Variants in CEP78 observed in about 807,000 individuals in gnomAD.
CEP78 encodes centrosomal protein of 78 kDa.
In CEP78, 76 loss-of-function variants were observed where a neutral mutation model predicts 81.2. That is an observed-to-expected ratio of 0.94 (90% CI 0.78 to 1.13). The LOEUF (loss-of-function observed/expected upper bound fraction) is 1.13. Among genes scored for constraint, CEP78 ranks in the 50% most tolerant of loss-of-function variants. CEP78 has a pLI of 0.00. For synonymous variants in CEP78, 293 were observed against 301.4 expected (o/e 0.97, Z 0.29); for missense variants, 918 against 846.8 (o/e 1.08, Z -1.04).
intron 16 of CEP78, among the ~76,000 whole-genome samples, chr9:78,268,600 C>T (rs1827620486): frequency 6.6e-6 from 1 of 151,906 alleles, no homozygotes; most frequent in Non-Finnish European, 1.5e-5. Context: ...CTTATCCTCC[C>T]AATTCCTCTC....
At chr9:78,265,799 A>G (rs1827501451) in intron 14 of CEP78, 60 bp from the exon 15 acceptor site, 3 of 894,172 alleles carry the variant, frequency 3.4e-6, no homozygotes, top group African/African-American at 3.3e-5. Flanking sequence ...ATGAAAGATT[A>G]GAGAAATGAT....
At chr9:78,264,488 A>G (rs1827423412) in intron 13 of CEP78, among the ~76,000 whole-genome samples, 172 bp downstream of exon 13, 1 of 152,094 alleles carries the variant, frequency 6.6e-6, no homozygotes, top group Admixed American at 6.6e-5. Context: ...CAAAATGACA[A>G]ACCTGCCTTG....
intron 5 of CEP78, among the ~76,000 whole-genome samples, chr9:78,244,092 A>G (rs1259630772): frequency 6.7e-6 from 1 of 149,664 alleles, no homozygotes; most frequent in African/African-American, 2.5e-5. Flanking sequence ...ACAACTCTGT[A>G]GTAAACTCCT....
At chr9:78,255,242 CATAAG>C (rs956189212) in intron 11 of CEP78, among the ~76,000 whole-genome samples, 5 of 152,060 alleles carry the variant, frequency 3.3e-5, no homozygotes, top group Admixed American at 6.6e-5. Flanking sequence ...CCTTAATAAT[CATAAG>C]ATAAACTCAA....
intron 11 of CEP78, among the ~76,000 whole-genome samples, chr9:78,257,803 C>T (rs1162256430): frequency 2.0e-5 from 3 of 152,170 alleles, no homozygotes; most frequent in Admixed American, 6.5e-5. Context: ...ATTTGTTGTA[C>T]AAACCAGAAC....
In CEP78 at chr9:78,236,440, G is replaced by T. The variant is rs752002017; in HGVS notation, c.90G>T (p.Pro30=). 1.2e-6 allele frequency: 2 copies of T among 1,602,070 alleles called. No homozygotes were observed. Among genetic ancestry groups the T allele is most frequent in the Non-Finnish European group, 1.7e-6 (2 of 1,174,618 alleles). ...TGTGCGCGCTGCAGAACTCGGTGCC[G>T]CTGCCCGCCGTGCGCGCCTGTCTCC... The part of the protein sequence containing the change: ...EYLCALQNSV[P]LPAVRACLRE... The change falls in exon 1 of 17, where the codon CCG becomes CCT. Residue 30 remains proline, a synonymous_variant. Transcript: ENST00000643273.
chr9:78,259,112 T>G (rs1272775421), intron 11 of CEP78, among the ~76,000 whole-genome samples: 1 of 152,200 alleles, frequency 6.6e-6, no homozygotes, highest in Non-Finnish European at 1.5e-5. Context: ...AGATTGCATT[T>G]GTACACTGAG....
Position 78,264,164 on chromosome 9 carries a change from T to C in CEP78, c.1473T>C (p.Asn491=). ...TTCTTTTATAGCTGGAACATGAAAA[T>C]GCCCAGTTAAGAAATATAAATTTCT... ...DKRVSELEHE[N]AQLRNINFSL... is the part of the protein sequence containing the mutation. The change falls in exon 13 of 17, where the codon AAT becomes AAC. Residue 491 remains asparagine (N), a synonymous_variant. Transcript: ENST00000643273. 1 of 1,467,204 alleles carries C rather than the reference T, an allele frequency of 6.8e-7. No homozygotes were observed. The highest frequency in any genetic ancestry group is 9.0e-7 in the Non-Finnish European group (1 of 1,106,052). 90.9% of individuals were successfully genotyped at this position (1,467,204 alleles called of 1,614,324 possible). A position where few individuals can be genotyped will look rare whatever the true frequency, so the allele number is the denominator to read the frequency against.
In CEP78 at chr9:78,262,991, A is replaced by C; in HGVS notation, c.1458+7A>C. On this transcript the variant is annotated splice_region_variant and intron_variant, in intron 12 of 16. Transcript: ENST00000643273. Reference sequence around the variant, plus strand: ...TGATAAACGAGTCAGTGAGGTAAATAAAAGTTTTCTTACCTTTTGAGAGTT... The same window carrying C: ...TGATAAACGAGTCAGTGAGGTAAATCAAAGTTTTCTTACCTTTTGAGAGTT... 1 of 1,522,880 alleles carries C rather than the reference A, an allele frequency of 6.6e-7. No individual in the cohort carries two copies. The highest frequency in any genetic ancestry group is 8.9e-7 in the Non-Finnish European group (1 of 1,129,656). 94.3% of individuals were successfully genotyped at this position (1,522,880 alleles called of 1,614,324 possible). A position where few individuals can be genotyped will look rare whatever the true frequency, so the allele number is the denominator to read the frequency against.
intron 12 of CEP78, 193 bp from the exon 13 acceptor site, chr9:78,263,957 T>C (rs188154682): frequency 8.6e-6 from 3 of 347,088 alleles, no homozygotes; most frequent in African/African-American, 6.4e-5. Flanking sequence ...CTATTTATAT[T>C]ATTTATGTAG....
At chr9:78,240,975 AT>A (rs1826200466) in intron 3 of CEP78, among the ~76,000 whole-genome samples, 1 of 152,168 alleles carries the variant, frequency 6.6e-6, no homozygotes, top group Non-Finnish European at 1.5e-5. Flanking sequence ...AAAAAAAAAA[AT>A]CATCATTACT....
chr9:78,267,781 G>A (rs12115810), intron 16 of CEP78, among the ~76,000 whole-genome samples: 2,543 of 152,202 alleles, frequency 0.017, 60 homozygotes, highest in African/African-American at 0.057. Flanking sequence ...GTTAGTAAGA[G>A]TATGGATATA....
chr9:78,262,207 T>C (rs1383213619), intron 11 of CEP78, among the ~76,000 whole-genome samples: 1 of 151,906 alleles, frequency 6.6e-6, no homozygotes, highest in Non-Finnish European at 1.5e-5. Flanking sequence ...GTGCTATTTT[T>C]TTTTTTTTTT....
rs1827759546 is a variant in CEP78, at chr9:78,274,355, G to A, written c.*3504G>A. ...TTGATTACAAAGAGGCTGTACAAGG[G>A]AGTTTGTTTGTTTGTTTGTTTTGGT... On this transcript the variant is annotated 3_prime_UTR_variant, in exon 17 of 17. Transcript: ENST00000643273. 6.6e-6 allele frequency: 1 copy of A among 152,210 alleles called. No homozygotes were observed. The highest frequency in any genetic ancestry group is 1.5e-5 in the Non-Finnish European group (1 of 68,076). The allele number at this position is 152,210 out of a possible 1,614,324, so 9.4% of individuals were successfully genotyped here. A position where few individuals can be genotyped will look rare whatever the true frequency, so the allele number is the denominator to read the frequency against.
At chr9:78,252,439 A>G (rs1587580009) in intron 9 of CEP78, among the ~76,000 whole-genome samples, 1 of 152,358 alleles carries the variant, frequency 6.6e-6, no homozygotes, top group East Asian at 1.9e-4. Flanking sequence ...GGAAGTGTTG[A>G]TTAGACTTAA....
rs1826497607 is a variant in CEP78 at position 78,246,658 on chromosome 9, T to G, written c.779-11T>G. The G allele has an allele frequency of 6.5e-7, 1 of 1,547,376 alleles. No individual in the cohort carries two copies. The highest frequency in any genetic ancestry group is 2.0e-5 in the Admixed American group (1 of 49,266). On this transcript the variant is annotated splice_polypyrimidine_tract_variant and intron_variant, in intron 5 of 16. Transcript: ENST00000643273. Reference sequence around the variant, plus strand: ...AGAATTAGCAAGTGACCCTTTGTCTTTCATCGAAAGCTCTTGACCTGCAAC... The same window carrying G: ...AGAATTAGCAAGTGACCCTTTGTCTGTCATCGAAAGCTCTTGACCTGCAAC...
At chr9:78,238,044 G>A (rs1177403606) in intron 1 of CEP78, among the ~76,000 whole-genome samples, 1 of 151,228 alleles carries the variant, frequency 6.6e-6, no homozygotes, top group Non-Finnish European at 1.5e-5. Context: ...AGAGTTGCTT[G>A]AACCCAGAAG....
chr9:78,262,746 C>G (rs946451296), intron 11 of CEP78, among the ~76,000 whole-genome samples, 161 bp from the exon 12 acceptor site: 1 of 151,862 alleles, frequency 6.6e-6, no homozygotes, highest in South Asian at 2.1e-4. Context: ...AATTAATTTC[C>G]CTAGCATGGT....
At chr9:78,245,480 C>T (rs1357894131) in intron 5 of CEP78, among the ~76,000 whole-genome samples, 2 of 152,150 alleles carry the variant, frequency 1.3e-5, no homozygotes, top group African/African-American at 2.4e-5. Flanking sequence ...CTCTCAAAGG[C>T]CCCAATTCCT....
Sources: gnomAD v4.1 joint callset for allele counts (sites outside exome capture counted in the v4.1 genomes callset) on GRCh38, gnomAD v4.1.1 for gene constraint, MANE v1.5 for transcripts, NCBI Gene and HGNC (gene_info 2026-07-23, HGNC 2026-07-21) for gene names.